Variants in DOK5 observed in about 807,000 individuals in gnomAD.
The protein encoded by DOK5 is downstream of tyrosine kinase 5.
A neutral mutation model predicts 43.3 loss-of-function variants in DOK5; 27 were observed. The ratio of observed to expected loss-of-function variants is 0.62; its 90% CI spans 0.46 to 0.86. The LOEUF (loss-of-function observed/expected upper bound fraction) is 0.86. Among genes scored for constraint, DOK5 ranks in the 40% least tolerant of loss-of-function variants. The pLI is 0.00. For synonymous variants in DOK5, 146 were observed against 140.1 expected (o/e 1.04, Z -0.30); for missense variants, 373 against 392.9 (o/e 0.95, Z 0.43).
At chr20:54,580,283 AT>A (rs1301920843) in intron 2 of DOK5, among the ~76,000 whole-genome samples, 1 of 152,158 alleles carries the variant, frequency 6.6e-6, no homozygotes, top group Non-Finnish European at 1.5e-5. Context: ...TGTTTTGACT[AT>A]TGTAAATAAT....
intron 2 of DOK5, among the ~76,000 whole-genome samples, chr20:54,566,341 A>C (rs956898500): frequency 6.6e-6 from 1 of 151,064 alleles, no homozygotes; most frequent in Admixed American, 6.6e-5. Flanking sequence ...GGTCGTTTTT[A>C]GTTTCTCATC....
At chr20:54,515,513 T>A (rs1050762407) in intron 1 of DOK5, among the ~76,000 whole-genome samples, 2 of 152,248 alleles carry the variant, frequency 1.3e-5, no homozygotes, top group Admixed American at 6.5e-5. Flanking sequence ...GGAGATTTTA[T>A]AAGCCAAGGA....
rs75928904 is a variant in DOK5 at position 54,552,301 on chromosome 20, C to T, written c.67-2632C>T. Reference sequence around the variant, plus strand: ...AATTTATATTCTGCTTCACCCCTCCCCACAATAACATATTATGAACACTTT... The same window carrying T: ...AATTTATATTCTGCTTCACCCCTCCTCACAATAACATATTATGAACACTTT... On this transcript the variant is annotated intron_variant, in intron 1 of 7. Transcript: ENST00000262593. 2.9e-3 allele frequency among the ~76,000 whole-genome samples: 448 copies of T among 152,214 alleles called. 1 individual carries two copies. Among genetic ancestry groups the T allele is most frequent in the African/African-American group, 0.01 (416 of 41,526 alleles).
At chr20:54,512,623 A>G (rs1176174673) in intron 1 of DOK5, among the ~76,000 whole-genome samples, 1 of 152,212 alleles carries the variant, frequency 6.6e-6, no homozygotes, top group East Asian at 1.9e-4. Context: ...TGGCATTTTT[A>G]GTAGTATTCT....
chr20:54,518,139 T>C (rs1251282157), intron 1 of DOK5, among the ~76,000 whole-genome samples: 1 of 152,168 alleles, frequency 6.6e-6, no homozygotes, highest in African/African-American at 2.4e-5. Context: ...TCTTTTTTAT[T>C]ATACTTTAAG....
chr20:54,584,027 A>G (rs113302213), intron 2 of DOK5, among the ~76,000 whole-genome samples: 3,262 of 151,860 alleles, frequency 0.021, 114 homozygotes, highest in African/African-American at 0.075. Flanking sequence ...GTGCACACCT[A>G]TAGTCTCAGC....
intron 7 of DOK5, among the ~76,000 whole-genome samples, chr20:54,645,768 T>A (rs1979381174): frequency 6.6e-6 from 1 of 152,112 alleles, no homozygotes; most frequent in Non-Finnish European, 1.5e-5. Flanking sequence ...CCTCCTTCTA[T>A]CTTTATCATT....
intron 1 of DOK5, among the ~76,000 whole-genome samples, chr20:54,518,049 G>A (rs532189652): frequency 6.6e-6 from 1 of 152,248 alleles, no homozygotes; most frequent in East Asian, 1.9e-4. Flanking sequence ...GTACTGTGCT[G>A]AGTACTCTAC....
chr20:54,625,391 C>T (rs915167570), intron 6 of DOK5, among the ~76,000 whole-genome samples: 20 of 152,174 alleles, frequency 1.3e-4, no homozygotes, highest in African/African-American at 4.1e-4. Context: ...GCAGCCTAGA[C>T]GTTTGGCCAG....
At chr20:54,570,340 A>G (rs1985245386) in intron 2 of DOK5, among the ~76,000 whole-genome samples, 1 of 152,242 alleles carries the variant, frequency 6.6e-6, no homozygotes, top group Non-Finnish European at 1.5e-5. Context: ...AAGACAACGT[A>G]CAAAAGTTAA....
chr20:54,612,478 A>G (rs536496551), intron 6 of DOK5, among the ~76,000 whole-genome samples: 2 of 152,284 alleles, frequency 1.3e-5, no homozygotes, highest in Admixed American at 1.3e-4. Flanking sequence ...GGTGTTCCTG[A>G]GTGACAGTAA....
Position 54,526,045 on chromosome 20 carries a change from G to A in DOK5, c.67-28888G>A, listed in dbSNP as rs1219705444. On this transcript the variant is annotated intron_variant, in intron 1 of 7. Transcript: ENST00000262593. ...TGTGGCAACCACTTTCCCTCACTAA[G>A]TTTTACTCTTTAAGTCTAGCTGCCT... Among the ~76,000 whole-genome samples the A allele has an allele frequency of 2.6e-5, 4 of 151,770 alleles. No individual in the cohort carries two copies. The East Asian group carries it at 5.8e-4, about 22-fold the overall frequency.
chr20:54,605,022 T>G (rs11698076), intron 5 of DOK5, among the ~76,000 whole-genome samples: 1 of 128,768 alleles, frequency 7.8e-6, no homozygotes, highest in African/African-American at 3.3e-5. Context: ...AATATATATA[T>G]ATACACACAC....
intron 5 of DOK5, among the ~76,000 whole-genome samples, chr20:54,592,242 A>G (rs1179123294): frequency 6.6e-6 from 1 of 152,302 alleles, no homozygotes; most frequent in East Asian, 1.9e-4. Flanking sequence ...TGGAGTTTTT[A>G]CCAGCTGCAA....
intron 1 of DOK5, among the ~76,000 whole-genome samples, chr20:54,509,622 C>T (rs775516488): frequency 6.6e-6 from 1 of 152,164 alleles, no homozygotes; most frequent in Non-Finnish European, 1.5e-5. Context: ...TTAACATCTG[C>T]AAAGCAGGAA....
chr20:54,644,723 A>AACAAAAAAAAACCC (rs779663636), intron 7 of DOK5, among the ~76,000 whole-genome samples: 57 of 142,404 alleles, frequency 4.0e-4, no homozygotes, highest in African/African-American at 1.6e-3. Flanking sequence ...AAAAAAAAAA[A>AACAAAAAAAAACCC]ACAAAATTTA....
Position 54,545,396 on chromosome 20 carries a change from C to A in DOK5, c.67-9537C>A, listed in dbSNP as rs556670853. The stretch of plus-strand genomic sequence containing the variant: ...CTGAAAGTGACAGAGGAGACTGAGA[C>A]TCTAAGGGGATAGTGTCAGCCAAAT... On this transcript the variant is annotated intron_variant, in intron 1 of 7. Coordinates refer to ENST00000262593, the MANE Select transcript of DOK5 (RefSeq NM_018431.5). Among the ~76,000 whole-genome samples, 60 of 152,292 alleles carry A rather than the reference C, an allele frequency of 3.9e-4. No homozygotes were observed. In the South Asian group the frequency reaches 0.012, roughly 30 times the overall value.
At chr20:54,558,705 T>C (rs1434006995) in intron 2 of DOK5, among the ~76,000 whole-genome samples, 1 of 152,188 alleles carries the variant, frequency 6.6e-6, no homozygotes, top group East Asian at 1.9e-4. Context: ...ATTTGATCAA[T>C]ACGGAGGTGG....
chr20:54,508,897 G>C lies in DOK5; in HGVS notation c.66+32885G>C, dbSNP rs528858415. Among the ~76,000 whole-genome samples the C allele has an allele frequency of 4.0e-5, 6 of 148,440 alleles. No homozygotes were observed. The South Asian group carries it at 1.3e-3, about 32-fold the overall frequency. On this transcript the variant is annotated intron_variant, in intron 1 of 7. Transcript: ENST00000262593. ...GCCCAGCTATTTATTTATTTTTTTA[G>C]ACAGAGTCTCGCTGTCTCACCCAGG...
Sources: gnomAD v4.1 joint callset for allele counts (sites outside exome capture counted in the v4.1 genomes callset) on GRCh38, gnomAD v4.1.1 for gene constraint, MANE v1.5 for transcripts, NCBI Gene and HGNC (gene_info 2026-07-23, HGNC 2026-07-21) for gene names.